PRR5: variants seen among roughly 807,000 people sequenced by gnomAD.
The protein encoded by PRR5 is proline-rich protein 5.
A neutral mutation model predicts 30.6 loss-of-function variants in PRR5; 25 were observed. That is an observed-to-expected ratio of 0.82 (90% confidence interval 0.60 to 1.14). PRR5 has a LOEUF of 1.14. Ranked by LOEUF, PRR5 falls within the 50% of genes most tolerant of loss-of-function variation. PRR5 has a pLI of 0.00. For synonymous variants in PRR5, 286 were observed against 247.1 expected (o/e 1.16, Z -1.48); for missense variants, 600 against 547.1 (o/e 1.10, Z -0.96).
Position 44,731,812 on chromosome 22 carries a change from C to A in PRR5, c.405C>A (p.Tyr135Ter). 2 of 1,613,188 alleles carry A rather than the reference C, an allele frequency of 1.2e-6. No individual in the cohort carries two copies. The highest frequency in any genetic ancestry group is 1.7e-6 in the Non-Finnish European group (2 of 1,179,950). The change falls in exon 5 of 8, where the codon TAC becomes TAA. Residue 135 changes from tyrosine (Y) to a stop codon, truncating the protein, a stop_gained. Transcript: ENST00000336985. LOFTEE classifies it high-confidence loss of function. ...DVLPMLQAIF[Y>*]PVQGKEPSVR... ...TGCCCATGCTGCAGGCCATCTTCTA[C>A]CCGGTGCAGGTGGGCAGCCCAGCCC...
Position 44,737,511 on chromosome 22 carries a change from C to T in PRR5, c.*264C>T, listed in dbSNP as rs911047421. The T allele has an allele frequency of 4.0e-5, 22 of 545,162 alleles. No individual in the cohort carries two copies. The highest frequency in any genetic ancestry group is 1.2e-4 in the South Asian group (4 of 32,710). The allele number at this position is 545,162 out of a possible 1,614,324, so 33.8% of individuals were successfully genotyped here. A position where few individuals can be genotyped will look rare whatever the true frequency, so the allele number is the denominator to read the frequency against. ...GACGGGGGTCGGCCGCTCGCTCCCA[C>T]GCTCCTCCTGCCCCAGCCCTCTGGT... On this transcript the variant is annotated 3_prime_UTR_variant, in exon 8 of 8. Transcript: ENST00000336985.
intron 1 of PRR5, among the ~76,000 whole-genome samples, chr22:44,680,182 G>A (rs944305598): frequency 1.3e-5 from 2 of 152,160 alleles, no homozygotes; most frequent in African/African-American, 4.8e-5. Context: ...GGGTCACAGG[G>A]TCCAGGGTTC....
Position 44,735,023 on chromosome 22 carries a change from G to A in PRR5, c.556-4G>A. ...CCCCTACCCCCTGCCCCACTCTCCT[G>A]CAGGGGGTACATGAGTCCAGGGGCG... On this transcript the variant is annotated splice_polypyrimidine_tract_variant and splice_region_variant and intron_variant, in intron 6 of 7. Coordinates refer to ENST00000336985, the MANE Select transcript of PRR5 (RefSeq NM_181333.4). 1 of 1,611,934 alleles carries A rather than the reference G, an allele frequency of 6.2e-7. No individual in the cohort carries two copies. Among genetic ancestry groups the A allele is most frequent in the Admixed American group, 1.7e-5 (1 of 59,986 alleles).
At chr22:44,717,129 A>G (rs564531850) in intron 2 of PRR5, among the ~76,000 whole-genome samples, 1 of 151,884 alleles carries the variant, frequency 6.6e-6, no homozygotes, top group East Asian at 1.9e-4. Flanking sequence ...CTTTGATCCC[A>G]TGAGAGAATC....
chr22:44,704,741 G>T lies in PRR5; in HGVS notation c.134+2133G>T, dbSNP rs554258597. The stretch of plus-strand genomic sequence containing the variant: ...ACCCCCCACCGAGAGATGCAGAAGG[G>T]CAGAGAGAGCACCCAGGAGACATGC... On this transcript the variant is annotated intron_variant, in intron 1 of 7. Transcript: ENST00000336985. 7.2e-5 allele frequency among the ~76,000 whole-genome samples: 11 copies of T among 152,008 alleles called. No homozygotes were observed. In the South Asian group the frequency reaches 2.1e-3, roughly 29 times the overall value.
At chr22:44,674,658 T>C (rs557683395), upstream of PRR5, among the ~76,000 whole-genome samples, 9 of 149,666 alleles carry the variant, frequency 6.0e-5, no homozygotes, top group Non-Finnish European at 1.2e-4. Context: ...GAGGCGGAGG[T>C]TGCAGTGAGC....
chr22:44,729,368 C>T, intron 4 of PRR5: 1 of 985,366 alleles, frequency 1.0e-6, no homozygotes, highest in Non-Finnish European at 1.2e-6. Flanking sequence ...GGACACCAGC[C>T]TGCGCCCACA....
chr22:44,672,916 G>T (rs77747858), upstream of PRR5, among the ~76,000 whole-genome samples: 2,052 of 152,336 alleles, frequency 0.013, 30 homozygotes, highest in South Asian at 0.064. Context: ...GGGTCTGCAT[G>T]CTCCACCCCA....
At chr22:44,723,078 C>T (rs180742607) in intron 2 of PRR5, among the ~76,000 whole-genome samples, 248 of 151,948 alleles carry the variant, frequency 1.6e-3, no homozygotes, top group African/African-American at 5.6e-3. Context: ...CTCCGCCTCC[C>T]GAGTTCAAGC....
chr22:44,699,724 A>C (rs1477908849), upstream of PRR5, among the ~76,000 whole-genome samples: 1 of 152,170 alleles, frequency 6.6e-6, no homozygotes, highest in Non-Finnish European at 1.5e-5. Context: ...CCTGAGCCTA[A>C]TTGAGAGTGA....
chr22:44,672,941 C>T (rs1021853845), upstream of PRR5, among the ~76,000 whole-genome samples: 3 of 152,196 alleles, frequency 2.0e-5, no homozygotes, highest in Admixed American at 6.5e-5. Context: ...ACAGCATGCG[C>T]GAAGGTCAGG....
chr22:44,687,575 C>A (rs1172720966), intron 1 of PRR5, among the ~76,000 whole-genome samples: 6 of 152,170 alleles, frequency 3.9e-5, no homozygotes, highest in African/African-American at 1.4e-4. Context: ...GTGGGTAGAT[C>A]TTTTTCTAGG....
chr22:44,671,830 G>A (rs1416644771), intron 1 of PRR5, among the ~76,000 whole-genome samples: 2 of 152,214 alleles, frequency 1.3e-5, no homozygotes, highest in Non-Finnish European at 2.9e-5. Flanking sequence ...AGTGATTCCT[G>A]CCGCACTCTA....
chr22:44,703,296 A>G (rs1926659102), intron 1 of PRR5, among the ~76,000 whole-genome samples: 1 of 150,484 alleles, frequency 6.6e-6, no homozygotes, highest in Non-Finnish European at 1.5e-5. Context: ...GGAGAAAGTG[A>G]GGCAGGCTGT....
At chr22:44,730,109 G>T (rs1338923570) in intron 4 of PRR5, 2 of 985,274 alleles carry the variant, frequency 2.0e-6, no homozygotes, top group Non-Finnish European at 2.4e-6. Flanking sequence ...GGCTGCCCCT[G>T]GCGGGGTCCC....
intron 2 of PRR5, among the ~76,000 whole-genome samples, chr22:44,721,070 A>G (rs1476293197): frequency 6.6e-6 from 1 of 152,234 alleles, no homozygotes; most frequent in Non-Finnish European, 1.5e-5. Flanking sequence ...TTTCTGAGCT[A>G]CAGCTGCTCC....
chr22:44,731,767 C>CT lies in PRR5; in HGVS notation c.362dup (p.Phe122LeufsTer4), dbSNP rs1301149695. ...TGGACTCACTGGCAGAGACCTGGGA[C>CT]TTCTTCTTCAGTGACGTGCTGCCCA... On this transcript the variant is annotated frameshift_variant, in exon 5 of 8. Transcript: ENST00000336985. LOFTEE classifies it high-confidence loss of function. 6 of 1,613,664 alleles carry CT rather than the reference C, an allele frequency of 3.7e-6. No individual in the cohort carries two copies. In the Admixed American group the frequency reaches 6.7e-5, roughly 18 times the overall value.
chr22:44,695,530 A>G (rs745335141), intron 1 of PRR5, among the ~76,000 whole-genome samples: 8 of 152,080 alleles, frequency 5.3e-5, no homozygotes, highest in Non-Finnish European at 8.8e-5. Flanking sequence ...AGGCATTTTT[A>G]TATAAGAAGC....
chr22:44,672,953 AATACTGCC>A (rs1284928855), upstream of PRR5, among the ~76,000 whole-genome samples: 3 of 152,224 alleles, frequency 2.0e-5, no homozygotes, highest in Non-Finnish European at 4.4e-5. Flanking sequence ...AAGGTCAGGA[AATACTGCC>A]ACAGAGCCTT....
Sources: allele counts gnomAD v4.1 joint callset (sites outside exome capture counted in the v4.1 genomes callset), GRCh38; gene constraint gnomAD v4.1.1; transcripts MANE v1.5; gene names NCBI Gene and HGNC (gene_info 2026-07-23, HGNC 2026-07-21).